The following LXN variants were observed in gnomAD, a reference collection of about 807,000 sequenced individuals.
The protein encoded by LXN is MUM.
A neutral mutation model predicts 29.8 loss-of-function variants in LXN; 28 were observed. That is an observed-to-expected ratio of 0.94 (90% confidence interval 0.70 to 1.29). The LOEUF is 1.29. Ranked by LOEUF, LXN falls within the 50% of genes most tolerant of loss-of-function variation. LXN has a pLI of 0.00. For missense variants in LXN, 227 were observed against 261.7 expected, an observed-to-expected ratio of 0.87 and a Z score of 0.92; for synonymous variants, 77 against 89.6, an observed-to-expected ratio of 0.86 and a Z score of 0.80.
intron 1 of LXN, among the ~76,000 whole-genome samples, chr3:158,672,144 A>G (rs1207660448): frequency 6.6e-6 from 1 of 152,194 alleles, no homozygotes; most frequent in Non-Finnish European, 1.5e-5. Context: ...AGGTGAAAAC[A>G]GTCCCGGGCT....
rs1263138345 is a variant in LXN, at chr3:158,669,416, A to G, written c.370+17T>C. 2 of 1,592,472 alleles carry G rather than the reference A, an allele frequency of 1.3e-6. No individual in the cohort carries two copies. Among genetic ancestry groups the G allele is most frequent in the East Asian group, 2.2e-5 (1 of 44,692 alleles). On this transcript the variant is annotated intron_variant, in intron 3 of 5. Coordinates refer to ENST00000264265, the MANE Select transcript of LXN (RefSeq NM_020169.4). ...AGTTTGAATCAAACAAATGGTTTTC[A>G]TGCCATATTTATATACCTGGAATAT...
chr3:158,669,668 CATCTTTGAGATATGATTT>C, intron 2 of LXN, 58 bp from the exon 3 acceptor site: 13 of 1,477,344 alleles, frequency 8.8e-6, no homozygotes, highest in Non-Finnish European at 1.2e-5. Context: ...TATTAATTAT[CATCTTTGAGATATGATTT>C]AAAGCATAGG....
chr3:158,669,356 A>C, intron 3 of LXN, 77 bp downstream of exon 3: 1 of 1,423,306 alleles, frequency 7.0e-7, no homozygotes, highest in Non-Finnish European at 9.6e-7. Context: ...TTAGCAACTA[A>C]CAATTTTAAG....
intron 4 of LXN, among the ~76,000 whole-genome samples, chr3:158,667,885 C>G (rs538726134): frequency 6.6e-6 from 1 of 152,262 alleles, no homozygotes; most frequent in South Asian, 2.1e-4. Context: ...TTTTTCTGTA[C>G]TGTACAGTAG....
intron 3 of LXN, 92 bp from the exon 4 acceptor site, chr3:158,669,224 C>T (rs984846243): frequency 9.5e-6 from 13 of 1,367,460 alleles, no homozygotes; most frequent in South Asian, 2.7e-5. Context: ...TAGTTTCCTT[C>T]GAATGTTGTG....
In LXN at chr3:158,666,675, G is replaced by A; in HGVS notation, c.640C>T (p.Arg214Cys). 3.7e-6 allele frequency: 6 copies of A among 1,613,850 alleles called. No individual in the cohort carries two copies. Among genetic ancestry groups the A allele is most frequent in the Non-Finnish European group, 4.2e-6 (5 of 1,179,860 alleles). The change falls in exon 6 of 6, where the codon CGT becomes TGT. Residue 214 changes from arginine to cysteine, a missense_variant. Transcript: ENST00000264265. ...QYGTKVKHNSRLPKEVQLE is the reference protein window; with the variant it reads ...QYGTKVKHNSCLPKEVQLE ...TCCAGTTGTACTTCCTTTGGCAGACGGCTATTATGTTTTACTTTAGTGCCG... is the reference window on the plus strand; with the variant it reads ...TCCAGTTGTACTTCCTTTGGCAGACAGCTATTATGTTTTACTTTAGTGCCG...
At chr3:158,668,209 T>C (rs1328572533) in intron 4 of LXN, among the ~76,000 whole-genome samples, 1 of 152,178 alleles carries the variant, frequency 6.6e-6, no homozygotes, top group Non-Finnish European at 1.5e-5. Flanking sequence ...CATAAAACAG[T>C]GTAGTATTTG....
chr3:158,669,181 T>A (rs767218695), intron 3 of LXN, 49 bp from the exon 4 acceptor site: 1 of 1,509,014 alleles, frequency 6.6e-7, no homozygotes, highest in Non-Finnish European at 9.0e-7. Flanking sequence ...GTATTAACCT[T>A]TTAAAACAAA....
chr3:158,669,679 T>TA (rs1457726646), intron 2 of LXN, 69 bp from the exon 3 acceptor site: 5 of 1,447,686 alleles, frequency 3.5e-6, no homozygotes, highest in Non-Finnish European at 4.8e-6. Flanking sequence ...ATCTTTGAGA[T>TA]ATGATTTAAA....
intron 1 of LXN, among the ~76,000 whole-genome samples, chr3:158,671,338 C>T (rs865815829): frequency 6.6e-6 from 1 of 152,130 alleles, no homozygotes; most frequent in African/African-American, 2.4e-5. Context: ...TTTGAAACAG[C>T]GTTTAATTCT....
At position 158,672,559 on chromosome 3, in the gene LXN, T is replaced by C; in HGVS notation, c.-81A>G. 2 of 1,566,438 alleles carry C rather than the reference T, an allele frequency of 1.3e-6. No individual in the cohort carries two copies. Among genetic ancestry groups the C allele is most frequent in the East Asian group, 4.6e-5 (2 of 43,780 alleles). ...GCAGAGCGCCGCCCGTCCTGCTTGCTGCTGGGTCCGGTTGCCGAGGCGGAA... is the reference window on the plus strand; with the variant it reads ...GCAGAGCGCCGCCCGTCCTGCTTGCCGCTGGGTCCGGTTGCCGAGGCGGAA... On this transcript the variant is annotated 5_prime_UTR_variant, in exon 1 of 6. Transcript: ENST00000264265.
At chr3:158,669,753 A>G (rs976302887) in intron 2 of LXN, 143 bp from the exon 3 acceptor site, 26 of 743,176 alleles carry the variant, frequency 3.5e-5, no homozygotes, top group Non-Finnish European at 5.7e-5. Context: ...AGAGGTATCT[A>G]ATTGGGCCTG....
At chr3:158,668,187 C>T (rs1723899199) in intron 4 of LXN, among the ~76,000 whole-genome samples, 1 of 152,118 alleles carries the variant, frequency 6.6e-6, no homozygotes, top group Non-Finnish European at 1.5e-5. Flanking sequence ...GCACGGATGC[C>T]CAAGTCTCTG....
chr3:158,667,245 CTAAA>C, intron 4 of LXN, among the ~76,000 whole-genome samples, 171 bp from the exon 5 acceptor site: 1 of 152,150 alleles, frequency 6.6e-6, no homozygotes, highest in South Asian at 2.1e-4. Context: ...TTCTCTTACA[CTAAA>C]TAAAGTGTTC....
Position 158,672,611 on chromosome 3 carries a change from T to G in LXN, c.-133A>C. 9.5e-7 allele frequency: 1 copy of G among 1,052,896 alleles called. No homozygotes were observed. The allele number at this position is 1,052,896 out of a possible 1,614,324, so 65.2% of individuals were successfully genotyped here. ...AGTCGCAAGCTCCTTCAGTCAGTCT[T>G]CTTCCTCAGCTCCTTCCGACTCCGG... is the stretch of plus-strand genomic sequence containing the variant. On this transcript the variant is annotated 5_prime_UTR_variant, in exon 1 of 6. Transcript: ENST00000264265.
At chr3:158,667,109 T>C in intron 4 of LXN, 35 bp from the exon 5 acceptor site, 1 of 1,530,110 alleles carries the variant, frequency 6.5e-7, no homozygotes, top group South Asian at 1.3e-5. Flanking sequence ...TGTTTAAAAC[T>C]TAATATCTTT....
chr3:158,667,068 T>C lies in LXN; in HGVS notation c.514A>G (p.Asn172Asp). Reference sequence around the variant, plus strand: ...TAGTCTAATTCAATAAAGTCATCATTTCTTTGCTATGACAAAAAATAAAAA... The same window carrying C: ...TAGTCTAATTCAATAAAGTCATCATCTCTTTGCTATGACAAAAAATAAAAA... ...KIQTVKQVQRNDDFIELDYTI... is the reference protein window; with the variant it reads ...KIQTVKQVQRDDDFIELDYTI... Residue 172 changes from asparagine to aspartate, a missense_variant, in exon 5 of 6, where the codon AAT becomes GAT. By Grantham distance (23) the Asn-to-Asp change is conservative. Transcript: ENST00000264265. 6.3e-7 allele frequency: 1 copy of C among 1,584,108 alleles called. No individual in the cohort carries two copies. Among genetic ancestry groups the C allele is most frequent in the Non-Finnish European group, 8.5e-7 (1 of 1,170,414 alleles).
At position 158,672,400 on chromosome 3, in the gene LXN, T is replaced by A; in HGVS notation, c.79A>T (p.Thr27Ser). 1 of 1,613,978 alleles carries A rather than the reference T, an allele frequency of 6.2e-7. No individual in the cohort carries two copies. The highest frequency in any genetic ancestry group is 8.5e-7 in the Non-Finnish European group (1 of 1,179,956). ...TGCACCTCAAACACCCTGTGCGGGG[T>A]CCCCTGCTGGTAGTTGATGTAGTTC... ...AQNYINYQQG[T>S]PHRVFEVQKV... The change falls in exon 1 of 6, where the codon ACC becomes TCC. Residue 27 changes from threonine to serine, a missense_variant. Coordinates refer to ENST00000264265, the MANE Select transcript of LXN (RefSeq NM_020169.4).
Position 158,672,340 on chromosome 3 carries a change from C to T in LXN, c.129+10G>A. 1 of 1,613,350 alleles carries T rather than the reference C, an allele frequency of 6.2e-7. No individual in the cohort carries two copies. The highest frequency in any genetic ancestry group is 8.5e-7 in the Non-Finnish European group (1 of 1,179,502). ...AGCCTCTGCTGTCCACCACCCCCTG[C>T]TAAACTCACCTCCATGCTGGCTTGT... is the stretch of plus-strand genomic sequence containing the variant. On this transcript the variant is annotated intron_variant, in intron 1 of 5. Transcript: ENST00000264265.
Sources: gnomAD v4.1 joint callset for allele counts (sites outside exome capture counted in the v4.1 genomes callset) on GRCh38, gnomAD v4.1.1 for gene constraint, MANE v1.5 for transcripts, NCBI Gene and HGNC (gene_info 2026-07-23, HGNC 2026-07-21) for gene names.